ABLIM2: variants seen among roughly 807,000 people sequenced by gnomAD.
ABLIM2 encodes the protein actin binding LIM protein family member 2.
Under a neutral mutation model 97.7 loss-of-function variants are expected in ABLIM2, and 53 were observed. The observed-to-expected ratio is 0.54, with a 90% CI of 0.44 to 0.68. The LOEUF (loss-of-function observed/expected upper bound fraction) is 0.68. ABLIM2 is among the 30% of genes least tolerant of loss of function. ABLIM2 has a pLI of 0.00. For synonymous variants in ABLIM2, 361 were observed against 345.8 expected (o/e 1.04, Z -0.49); for missense variants, 835 against 867.2 (o/e 0.96, Z 0.47).
At chr4:7,975,386 A>T (rs1732142148) in intron 20 of ABLIM2, among the ~76,000 whole-genome samples, 2 of 152,140 alleles carry the variant, frequency 1.3e-5, no homozygotes, top group Admixed American at 1.3e-4. Flanking sequence ...CTTCCATGGG[A>T]CAGCCCTCCC....
chr4:8,153,962 T>C (rs1714091795), intron 1 of ABLIM2, among the ~76,000 whole-genome samples: 1 of 99,878 alleles, frequency 1.0e-5, no homozygotes, highest in Non-Finnish European at 2.2e-5. Context: ...AAACTTCTTT[T>C]CTTTTTTTTT....
chr4:8,127,778 C>T lies in ABLIM2; in HGVS notation c.11-21141G>A, dbSNP rs1285098218. On this transcript the variant is annotated intron_variant, in intron 1 of 20. Coordinates refer to ENST00000447017, the MANE Select transcript of ABLIM2 (RefSeq NM_001130083.2). This position sits in a 1 kb window ranked among gnomAD's most constrained non-coding sequence, Gnocchi z 7.3. ...TTCCCGGCACACTGAAATAGACTCC[C>T]GCCACACTATGCGCCAGAGACACAC... The T allele has an allele frequency of 2.1e-5, 19 of 925,702 alleles. No homozygotes were observed. The highest frequency in any genetic ancestry group is 3.6e-5 in the African/African-American group (2 of 55,994). The allele number at this position is 925,702 out of a possible 1,614,324, so 57.3% of individuals were successfully genotyped here.
chr4:8,129,275 C>T (rs1200033299), intron 1 of ABLIM2, among the ~76,000 whole-genome samples: 1 of 152,198 alleles, frequency 6.6e-6, no homozygotes, highest in Admixed American at 6.5e-5. Context: ...TGCCCCGCCC[C>T]CTCTGTGACT....
At chr4:8,012,944 C>T (rs1025044448) in intron 14 of ABLIM2, among the ~76,000 whole-genome samples, 5 of 152,210 alleles carry the variant, frequency 3.3e-5, no homozygotes, top group Non-Finnish European at 1.5e-5. Context: ...CCTTTATCCC[C>T]ATCTCCCTGT....
rs144080643 is a variant in ABLIM2, at chr4:8,061,234, G to A, written c.676-180C>T. On this transcript the variant is annotated intron_variant, in intron 6 of 20. Coordinates refer to ENST00000447017, the MANE Select transcript of ABLIM2 (RefSeq NM_001130083.2). This position sits in a 1 kb window ranked among gnomAD's most constrained non-coding sequence, Gnocchi z 4.5. ...AGAGCCCAGACCCGGGGGTGCCCCC[G>A]GGCTGTCCAAGGCGCCCTGTGGGGA... Among the ~76,000 whole-genome samples, 411 of 152,166 alleles carry A rather than the reference G, an allele frequency of 2.7e-3. No homozygotes were observed. The highest frequency in any genetic ancestry group is 9.5e-3 in the African/African-American group (393 of 41,526).
chr4:8,156,035 A>C (rs1455757605), intron 1 of ABLIM2, among the ~76,000 whole-genome samples: 1 of 152,152 alleles, frequency 6.6e-6, no homozygotes, highest in Non-Finnish European at 1.5e-5. Flanking sequence ...TTATGGAGCA[A>C]ATTAACACAA....
intron 6 of ABLIM2, among the ~76,000 whole-genome samples, chr4:8,063,059 A>G (rs1308436018): frequency 1.3e-5 from 2 of 152,146 alleles, no homozygotes; most frequent in Non-Finnish European, 2.9e-5. Context: ...AAGGGAGAAC[A>G]CTGCTGGGAC....
chr4:8,027,986 C>G, intron 11 of ABLIM2, 129 bp from the exon 12 acceptor site: 1 of 638,700 alleles, frequency 1.6e-6, no homozygotes, highest in Non-Finnish European at 2.5e-6. Flanking sequence ...ACTTTTTGCA[C>G]CTGAAGGTGG....
intron 3 of ABLIM2, among the ~76,000 whole-genome samples, chr4:8,092,228 C>T (rs1577638262): frequency 6.6e-6 from 1 of 151,946 alleles, no homozygotes; most frequent in South Asian, 2.1e-4. Flanking sequence ...GAACTCCTGA[C>T]CTCAAGCAAT....
chr4:7,973,133 G>A (rs922470293), intron 20 of ABLIM2, among the ~76,000 whole-genome samples: 4 of 148,836 alleles, frequency 2.7e-5, no homozygotes, highest in African/African-American at 9.9e-5. Flanking sequence ...ATGGCAAGTA[G>A]GAAAGGAATT....
chr4:8,051,571 A>AAC, intron 8 of ABLIM2, among the ~76,000 whole-genome samples: 1 of 151,276 alleles, frequency 6.6e-6, no homozygotes, highest in African/African-American at 2.4e-5. Context: ...TCAAAAAAAA[A>AAC]AAAAAAAAGA....
chr4:7,970,765 C>T lies in ABLIM2; in HGVS notation c.1825-3662G>A, dbSNP rs1224845342. On this transcript the variant is annotated intron_variant, in intron 20 of 20. Transcript: ENST00000447017. The surrounding 1 kb of genome is among the most constrained non-coding windows in gnomAD (Gnocchi z 5.3). Reference sequence around the variant, plus strand: ...CTTCTCTGGGAGTGTGGCACTGGGACTGGGACGCTCCATCACCAGAGGCCC... The same window carrying T: ...CTTCTCTGGGAGTGTGGCACTGGGATTGGGACGCTCCATCACCAGAGGCCC... 2.0e-5 allele frequency among the ~76,000 whole-genome samples: 3 copies of T among 151,876 alleles called. No individual in the cohort carries two copies. The highest frequency in any genetic ancestry group is 4.8e-5 in the African/African-American group (2 of 41,366).
intron 20 of ABLIM2, 91 bp from the exon 21 acceptor site, chr4:7,967,194 G>C: frequency 1.9e-6 from 2 of 1,064,670 alleles, no homozygotes; most frequent in Non-Finnish European, 1.4e-6. Context: ...CAATCCAGGG[G>C]CAGGATTGCA....
chr4:8,018,632 G>T (rs1026987480), intron 14 of ABLIM2, among the ~76,000 whole-genome samples: 1 of 152,200 alleles, frequency 6.6e-6, no homozygotes, highest in African/African-American at 2.4e-5. Flanking sequence ...TTAAAAGTTT[G>T]TATAACCTGA....
rs903225826 is a variant in ABLIM2, at chr4:8,147,411, C to T, written c.10+11269G>A. ...CCCCCAGAAGATATCCCCATCTAAT[C>T]GCTAAAACCTGTGACATATATGGTT... On this transcript the variant is annotated intron_variant, in intron 1 of 20. Coordinates refer to ENST00000447017, the MANE Select transcript of ABLIM2 (RefSeq NM_001130083.2). This position sits in a 1 kb window ranked among gnomAD's most constrained non-coding sequence, Gnocchi z 5.3. 6.6e-6 allele frequency among the ~76,000 whole-genome samples: 1 copy of T among 152,146 alleles called. No individual in the cohort carries two copies. Among genetic ancestry groups the T allele is most frequent in the African/African-American group, 2.4e-5 (1 of 41,404 alleles).
rs1811919075 is a variant in ABLIM2 at position 8,071,387 on chromosome 4, T to A, written c.675+6241A>T. 2.0e-5 allele frequency among the ~76,000 whole-genome samples: 3 copies of A among 151,988 alleles called. No homozygotes were observed. The highest frequency in any genetic ancestry group is 2.0e-4 in the Admixed American group (3 of 15,264). ...TGGGTGGGATGCAGGCCAACATGCA[T>A]GAGGGTGCTGCACGTTTAGGAGAAA... On this transcript the variant is annotated intron_variant, in intron 6 of 20. Transcript: ENST00000447017. The surrounding 1 kb of genome is among the most constrained non-coding windows in gnomAD (Gnocchi z 6.2).
At position 7,966,786 on chromosome 4, in the gene ABLIM2, T is replaced by G; in HGVS notation, c.*204A>C. ...CAAGCCACAGCGGGGAAGGGTGGCG[T>G]GAAGCTAGCCGTCTCGGCCCTAAAC... On this transcript the variant is annotated 3_prime_UTR_variant, in exon 21 of 21. Transcript: ENST00000447017. 3.6e-6 allele frequency: 2 copies of G among 563,258 alleles called. No individual in the cohort carries two copies. The highest frequency in any genetic ancestry group is 3.2e-6 in the Non-Finnish European group (1 of 316,060). The allele number at this position is 563,258 out of a possible 1,614,324, so 34.9% of individuals were successfully genotyped here. A position where few individuals can be genotyped will look rare whatever the true frequency, so the allele number is the denominator to read the frequency against.
At chr4:8,092,786 G>A (rs1829546310) in intron 3 of ABLIM2, among the ~76,000 whole-genome samples, 1 of 152,166 alleles carries the variant, frequency 6.6e-6, no homozygotes, top group Non-Finnish European at 1.5e-5. Flanking sequence ...AACCTCTGTT[G>A]ATTGAGCCCT....
Position 8,072,060 on chromosome 4 carries a change from C to A in ABLIM2, c.675+5568G>T, listed in dbSNP as rs983043322. 6.1e-6 allele frequency: 6 copies of A among 985,284 alleles called. No homozygotes were observed. Among genetic ancestry groups the A allele is most frequent in the Non-Finnish European group, 7.2e-6 (6 of 829,968 alleles). The allele number at this position is 985,284 out of a possible 1,614,324, so 61.0% of individuals were successfully genotyped here. A position where few individuals can be genotyped will look rare whatever the true frequency, so the allele number is the denominator to read the frequency against. On this transcript the variant is annotated intron_variant, in intron 6 of 20. Transcript: ENST00000447017. This position sits in a 1 kb window ranked among gnomAD's most constrained non-coding sequence, Gnocchi z 5.8. ...AGGATGCTCAGAGCTGTGCAGAGCC[C>A]GCCGACTCAGCCACGCCGCCACAGA... is the stretch of plus-strand genomic sequence containing the variant.
Sources: allele counts gnomAD v4.1 joint callset (sites outside exome capture counted in the v4.1 genomes callset), GRCh38; gene constraint gnomAD v4.1.1; non-coding constraint Gnocchi (gnomAD v3.1); transcripts MANE v1.5; gene names NCBI Gene and HGNC (gene_info 2026-07-23, HGNC 2026-07-21).